Variants in TBXA2R observed in about 807,000 individuals in gnomAD.
The protein encoded by TBXA2R is thromboxane A2 receptor.
TBXA2R carries 15 observed loss-of-function variants against 15.6 expected under a neutral mutation model. The observed-to-expected ratio is 0.96, with a 90% CI of 0.64 to 1.48. TBXA2R has a LOEUF of 1.48. Ranked by LOEUF, TBXA2R falls within the 40% of genes most tolerant of loss-of-function variation. TBXA2R has a pLI of 0.00. For missense variants in TBXA2R, 506 were observed against 491.4 expected, an observed-to-expected ratio of 1.03 and a Z score of -0.28; for synonymous variants, 280 against 241.2, an observed-to-expected ratio of 1.16 and a Z score of -1.49.
intron 1 of TBXA2R, among the ~76,000 whole-genome samples, chr19:3,601,919 T>C (rs2032745437): frequency 6.8e-6 from 1 of 147,210 alleles, no homozygotes; most frequent in Non-Finnish European, 1.5e-5. Context: ...AGAGCGAGAC[T>C]CCATCTCAAG....
intron 2 of TBXA2R, among the ~76,000 whole-genome samples, chr19:3,596,497 G>A (rs1424227541): frequency 1.3e-5 from 2 of 152,232 alleles, no homozygotes; most frequent in Admixed American, 1.3e-4. Flanking sequence ...CTTGAGCCCA[G>A]GAGTTCAAGA....
rs549209216 is a variant in TBXA2R, at chr19:3,598,754, C to T, written c.786+1095G>A. 2.0e-4 allele frequency among the ~76,000 whole-genome samples: 30 copies of T among 151,952 alleles called. 1 individual carries two copies. In the South Asian group the frequency reaches 4.6e-3, roughly 23 times the overall value. Reference sequence around the variant, plus strand: ...CGTGATCTCGGCTCACTGCAACTTCCGCCTCCTGGGTTCAAGCGATTCTCT... The same window carrying T: ...CGTGATCTCGGCTCACTGCAACTTCTGCCTCCTGGGTTCAAGCGATTCTCT... On this transcript the variant is annotated intron_variant, in intron 2 of 2. Coordinates refer to ENST00000375190, the MANE Select transcript of TBXA2R (RefSeq NM_001060.6).
rs1443851430 is a variant in TBXA2R, at chr19:3,594,933, G to A, written c.*755C>T. On this transcript the variant is annotated 3_prime_UTR_variant, in exon 3 of 3. Coordinates refer to ENST00000375190, the MANE Select transcript of TBXA2R (RefSeq NM_001060.6). ...AAATTCAGGGTCAAAGAGCATGCAA[G>A]GCCGGGCGCAGTGGCTTACGCCTGT... 1.3e-6 allele frequency: 2 copies of A among 1,536,412 alleles called. No homozygotes were observed. The highest frequency in any genetic ancestry group is 1.7e-6 in the Non-Finnish European group (2 of 1,146,836).
chr19:3,596,173 T>G (rs1043868936), intron 2 of TBXA2R, among the ~76,000 whole-genome samples: 5 of 152,056 alleles, frequency 3.3e-5, no homozygotes, highest in African/African-American at 1.2e-4. Flanking sequence ...GGATTACAGG[T>G]GGCTGCCACC....
intron 2 of TBXA2R, 107 bp downstream of exon 2, chr19:3,599,742 C>G: frequency 6.7e-7 from 1 of 1,492,190 alleles, no homozygotes; most frequent in East Asian, 2.5e-5. Flanking sequence ...TCTGGGATTA[C>G]CGGCGTGAGC....
Position 3,600,398 on chromosome 19 carries a change from C to G in TBXA2R, c.237G>C (p.Leu79=). The G allele has an allele frequency of 6.2e-7, 1 of 1,613,382 alleles. No individual in the cohort carries two copies. Among genetic ancestry groups the G allele is most frequent in the Non-Finnish European group, 8.5e-7 (1 of 1,179,742 alleles). Residue 79 remains leucine, a synonymous_variant, in exon 2 of 3, where the codon CTG becomes CTC. Coordinates refer to ENST00000375190, the MANE Select transcript of TBXA2R (RefSeq NM_001060.6). ...GLVLTDFLGL[L]VTGTIVVSQH... is the part of the protein sequence containing the mutation. ...GGGACACCACGATGGTACCGGTCAC[C>G]AGCAGCCCCAGGAAGTCGGTGAGGA... is the stretch of plus-strand genomic sequence containing the variant.
intron 1 of TBXA2R, among the ~76,000 whole-genome samples, chr19:3,601,239 C>T (rs1044299795): frequency 3.9e-5 from 6 of 152,000 alleles, no homozygotes; most frequent in African/African-American, 9.7e-5. Context: ...ACAACAAAAT[C>T]GGAGCCAAGC....
Position 3,594,823 on chromosome 19 carries a change from C to A in TBXA2R, c.*865G>T, listed in dbSNP as rs537821952. ...TATATTTTGGCAAGAAAAGGGGGTG[C>A]CCCCGTTCACATTCAATCCTTTCTG... On this transcript the variant is annotated 3_prime_UTR_variant, in exon 3 of 3. Transcript: ENST00000375190. 3.3e-6 allele frequency: 5 copies of A among 1,531,258 alleles called. No homozygotes were observed. The highest frequency in any genetic ancestry group is 4.9e-5 in the East Asian group (2 of 40,842). 94.9% of individuals were successfully genotyped at this position (1,531,258 alleles called of 1,614,324 possible).
rs752570030 is a variant in TBXA2R, at chr19:3,595,712, G to A, written c.1008C>T (p.Leu336=). ...CCTACTGCAGCCCGGAGCGCTGCGT[G>A]AGCTGGGGCTGGAGGGACAGCGACC... The part of the protein sequence containing the change: ...RPRSLSLQPQ[L]TQRSGLQ The change falls in exon 3 of 3, where the codon CTC becomes CTT. Residue 336 remains leucine (L), a synonymous_variant. Transcript: ENST00000375190. 1.3e-6 allele frequency: 2 copies of A among 1,596,338 alleles called. No homozygotes were observed. Among genetic ancestry groups the A allele is most frequent in the African/African-American group, 1.3e-5 (1 of 74,820 alleles).
chr19:3,600,582 G>T lies in TBXA2R; in HGVS notation c.53C>A (p.Thr18Asn). 1 of 1,612,622 alleles carries T rather than the reference G, an allele frequency of 6.2e-7. No homozygotes were observed. Among genetic ancestry groups the T allele is most frequent in the Non-Finnish European group, 8.5e-7 (1 of 1,179,596 alleles). The part of the protein sequence containing the change: ...LGPCFRPTNI[T>N]LEERRLIASP... ...GGCGATCAGCCGTCTCTCCTCCAGG[G>T]TAATGTTTGTGGGCCGGAAACAGGG... Residue 18 changes from threonine (T) to asparagine (N), a missense_variant, in exon 2 of 3, where the codon ACC becomes AAC. Transcript: ENST00000375190.
At chr19:3,599,552 G>C (rs186297403) in intron 2 of TBXA2R, among the ~76,000 whole-genome samples, 1 of 151,700 alleles carries the variant, frequency 6.6e-6, no homozygotes, top group East Asian at 2.0e-4. Flanking sequence ...GAATGGTCTC[G>C]ATCTCCTGAC....
rs1193249421 is a variant in TBXA2R, at chr19:3,600,101, G to C, written c.534C>G (p.Tyr178Ter). Reference sequence around the variant, plus strand: ...GCGTCAGGAAGCACCAGGACCCCGGGTATTGCACGGTGTAGCGACCCACGC... The same window carrying C: ...GCGTCAGGAAGCACCAGGACCCCGGCTATTGCACGGTGTAGCGACCCACGC... ...LLGVGRYTVQ[Y>*]PGSWCFLTLG... Residue 178 changes from tyrosine (Y) to a stop codon, truncating the protein, a stop_gained, in exon 2 of 3, where the codon TAC (tyrosine) becomes TAG (stop). Transcript: ENST00000375190. LOFTEE classifies it high-confidence loss of function. The C allele has an allele frequency of 6.2e-7, 1 of 1,612,184 alleles. No homozygotes were observed. Among genetic ancestry groups the C allele is most frequent in the Admixed American group, 1.7e-5 (1 of 59,998 alleles).
chr19:3,596,736 C>A (rs2032611694), intron 2 of TBXA2R, among the ~76,000 whole-genome samples: 3 of 150,990 alleles, frequency 2.0e-5, no homozygotes. Flanking sequence ...CGCCCACCAC[C>A]ACATCCGGCT....
At chr19:3,596,340 C>A (rs2032604611) in intron 2 of TBXA2R, among the ~76,000 whole-genome samples, 2 of 152,044 alleles carry the variant, frequency 1.3e-5, no homozygotes, top group Admixed American at 6.6e-5. Context: ...AGTGTCCACT[C>A]TGTTACTGCA....
chr19:3,605,682 C>G (rs2032817874), intron 1 of TBXA2R, among the ~76,000 whole-genome samples: 3 of 150,178 alleles, frequency 2.0e-5, no homozygotes, highest in African/African-American at 7.4e-5. Context: ...GACAGAAACA[C>G]AGTAGACAGA....
In TBXA2R at chr19:3,595,749, C is replaced by T; in HGVS notation, c.971G>A (p.Ser324Asn). Reference sequence around the variant, plus strand: ...GAGGGACAGCGACCTGGGCCGGGTGCTGAGGCGAGGCTGGAGACGCCGGAG... The same window carrying T: ...GAGGGACAGCGACCTGGGCCGGGTGTTGAGGCGAGGCTGGAGACGCCGGAG... ...AVLRRLQPRL[S>N]TRPRSLSLQP... Residue 324 changes from serine (S) to asparagine (N), a missense_variant, in exon 3 of 3, where the codon AGC becomes AAC. By Grantham distance (46) the Ser-to-Asn change is conservative. Transcript: ENST00000375190. 6.2e-7 allele frequency: 1 copy of T among 1,606,218 alleles called. No homozygotes were observed. Among genetic ancestry groups the T allele is most frequent in the Non-Finnish European group, 8.5e-7 (1 of 1,177,116 alleles).
chr19:3,606,191 CG>C (rs1232655332), intron 1 of TBXA2R, among the ~76,000 whole-genome samples: 1 of 152,232 alleles, frequency 6.6e-6, no homozygotes, highest in Non-Finnish European at 1.5e-5. Context: ...CAACCACACT[CG>C]ATCCCTGCCA....
rs764044824 is a variant in TBXA2R, at chr19:3,595,869, C to G, written c.851G>C (p.Arg284Pro). Residue 284 changes from arginine (R) to proline (P), a missense_variant, in exon 3 of 3, where the codon CGC becomes CCC. Transcript: ENST00000375190. The part of the protein sequence containing the change: ...PAMSPAGQLS[R>P]TTEKELLIYL... Reference sequence around the variant, plus strand: ...GATGAGCAGCTCCTTCTCCGTGGTGCGGGACAGCTGCCCGGCGGGGCTCAT... The same window carrying G: ...GATGAGCAGCTCCTTCTCCGTGGTGGGGGACAGCTGCCCGGCGGGGCTCAT... 6.2e-7 allele frequency: 1 copy of G among 1,609,406 alleles called. No homozygotes were observed.
At chr19:3,596,667 C>A (rs1435569710) in intron 2 of TBXA2R, among the ~76,000 whole-genome samples, 2 of 150,894 alleles carry the variant, frequency 1.3e-5, no homozygotes, top group African/African-American at 4.9e-5. Flanking sequence ...ACGGAGTCTC[C>A]GCCTCCTGGG....
Sources: allele counts gnomAD v4.1 joint callset (sites outside exome capture counted in the v4.1 genomes callset), GRCh38; gene constraint gnomAD v4.1.1; transcripts MANE v1.5; gene names NCBI Gene and HGNC (gene_info 2026-07-23, HGNC 2026-07-21).